The following BBS9 variants were observed in gnomAD, a reference collection of about 807,000 sequenced individuals.
The protein encoded by BBS9 is protein PTHB1.
In BBS9, 89 loss-of-function variants were observed where a neutral mutation model predicts 117.7. That is an observed-to-expected ratio of 0.76 (90% CI 0.64 to 0.90). BBS9 has a LOEUF of 0.90. Ranked by LOEUF, BBS9 falls within the 40% of genes least tolerant of loss-of-function variation. BBS9 has a pLI of 0.00. For synonymous variants in BBS9, 379 were observed against 370.9 expected (o/e 1.02, Z -0.25); for missense variants, 982 against 1,042.2 (o/e 0.94, Z 0.80).
intron 3 of BBS9, among the ~76,000 whole-genome samples, chr7:33,154,797 A>G (rs981285011): frequency 3.3e-5 from 5 of 152,148 alleles, no homozygotes; most frequent in African/African-American, 7.2e-5. Flanking sequence ...TTTAAATTTA[A>G]AAGAGCTGTC....
At chr7:33,139,101 A>G (rs1397056897) in intron 1 of BBS9, among the ~76,000 whole-genome samples, 1 of 151,042 alleles carries the variant, frequency 6.6e-6, no homozygotes, top group African/African-American at 2.4e-5. Flanking sequence ...AAAAATACAA[A>G]ATTAGCTGGG....
intron 19 of BBS9, among the ~76,000 whole-genome samples, chr7:33,404,391 G>T (rs1412898640): frequency 6.6e-6 from 1 of 152,084 alleles, no homozygotes; most frequent in Non-Finnish European, 1.5e-5. Context: ...AAAGTCATTG[G>T]TAGCTTGATG....
chr7:33,518,245 CTTTTTTTTTTTTT>C (rs747829401), intron 20 of BBS9, among the ~76,000 whole-genome samples: 5 of 93,930 alleles, frequency 5.3e-5, no homozygotes, highest in South Asian at 7.2e-4. Context: ...TGTATATATT[CTTTTTTTTTTTTT>C]TTTTTTTTTT....
At chr7:33,139,291 A>G (rs1228240648) in intron 1 of BBS9, among the ~76,000 whole-genome samples, 1 of 151,230 alleles carries the variant, frequency 6.6e-6, no homozygotes, top group Non-Finnish European at 1.5e-5. Context: ...CAAAAAAACA[A>G]GTTAATGAGA....
rs1562950954 is a variant in BBS9 at position 33,294,338 on chromosome 7, TATCTATCTATC to T, written c.1016+20383_1016+20393del. Among the ~76,000 whole-genome samples the T allele has an allele frequency of 1.3e-4, 18 of 141,810 alleles. 1 individual carries two copies. In the South Asian group the frequency reaches 4.0e-3, roughly 31 times the overall value. 93.0% of individuals were successfully genotyped at this position (141,810 alleles called of 152,430 possible). A position where few individuals can be genotyped will look rare whatever the true frequency, so the allele number is the denominator to read the frequency against. On this transcript the variant is annotated intron_variant, in intron 9 of 22. Coordinates refer to ENST00000242067, the MANE Select transcript of BBS9 (RefSeq NM_198428.3). ...CTATCTATCTATCTATCTATCTATC[TATCTATCTATC>T]TATCTCTTTGTCCATCCATCCATCC... is the stretch of plus-strand genomic sequence containing the variant.
intron 19 of BBS9, among the ~76,000 whole-genome samples, chr7:33,497,649 A>C (rs145996115): frequency 6.6e-6 from 1 of 152,316 alleles, no homozygotes; most frequent in Non-Finnish European, 1.5e-5. Flanking sequence ...CATACCAGGC[A>C]AAGTTGTATG....
Position 33,505,561 on chromosome 7 carries a change from C to A in BBS9, c.2214C>A (p.Ile738=), listed in dbSNP as rs148536971. The A allele has an allele frequency of 1.9e-6, 3 of 1,614,100 alleles. No homozygotes were observed. The highest frequency in any genetic ancestry group is 2.5e-6 in the Non-Finnish European group (3 of 1,179,986). The change falls in exon 20 of 23, where the codon ATC becomes ATA. Residue 738 remains isoleucine (I), a synonymous_variant. Transcript: ENST00000242067. Reference sequence around the variant, plus strand: ...CCACCCATTTGGTGATTCTGCTGATCGCGCTGTGGCAGAAGCTTAGTGCTG... The same window carrying A: ...CCACCCATTTGGTGATTCTGCTGATAGCGCTGTGGCAGAAGCTTAGTGCTG... The part of the protein sequence containing the change: ...KSATHLVILL[I]ALWQKLSADQ...
At chr7:33,152,639 T>G in intron 2 of BBS9, 62 bp from the exon 3 acceptor site, 1 of 1,470,596 alleles carries the variant, frequency 6.8e-7, no homozygotes, top group African/African-American at 1.4e-5. Flanking sequence ...AAAGCTTATT[T>G]CCTAAGAGAT....
intron 9 of BBS9, among the ~76,000 whole-genome samples, chr7:33,304,544 C>A (rs916384708): frequency 6.6e-6 from 1 of 151,676 alleles, no homozygotes; most frequent in African/African-American, 2.4e-5. Flanking sequence ...CTCGGCTGCC[C>A]TGTCTGGGAA....
chr7:33,450,415 G>A (rs1359846071), intron 19 of BBS9, among the ~76,000 whole-genome samples: 2 of 152,166 alleles, frequency 1.3e-5, no homozygotes, highest in Non-Finnish European at 2.9e-5. Flanking sequence ...AGATCATGTT[G>A]TAGTTCTATT....
chr7:33,607,134 A>G (rs916445145), downstream of BBS9, among the ~76,000 whole-genome samples: 2 of 152,150 alleles, frequency 1.3e-5, no homozygotes, highest in Non-Finnish European at 2.9e-5. Context: ...CTCCTTGGAC[A>G]TAACTGTTCT....
intron 21 of BBS9, among the ~76,000 whole-genome samples, chr7:33,601,091 C>G (rs1214947595): frequency 1.3e-5 from 2 of 152,158 alleles, no homozygotes; most frequent in Non-Finnish European, 2.9e-5. Flanking sequence ...TACATTTACC[C>G]TTGCGAAGTG....
intron 5 of BBS9, among the ~76,000 whole-genome samples, chr7:33,180,913 C>T (rs1305952075): frequency 6.6e-6 from 1 of 152,164 alleles, no homozygotes; most frequent in Non-Finnish European, 1.5e-5. Context: ...CCAGGTAACT[C>T]TGTGCACAGA....
chr7:33,253,177 G>C (rs967667355), intron 5 of BBS9, among the ~76,000 whole-genome samples: 2 of 152,002 alleles, frequency 1.3e-5, no homozygotes, highest in Non-Finnish European at 2.9e-5. Flanking sequence ...GTTATTTTTG[G>C]TACCAGGGTT....
chr7:33,537,967 A>G lies in BBS9; in HGVS notation c.2521+3791A>G, dbSNP rs182660471. Among the ~76,000 whole-genome samples, 33 of 152,338 alleles carry G rather than the reference A, an allele frequency of 2.2e-4. No homozygotes were observed. In the East Asian group the frequency reaches 6.0e-3, roughly 28 times the overall value. On this transcript the variant is annotated intron_variant, in intron 21 of 22. Coordinates refer to ENST00000242067, the MANE Select transcript of BBS9 (RefSeq NM_198428.3). ...ATTTCAACTAGGTGATGCTTTGCCT[A>G]AGAAATAATATAGATAAGTGACGGC...
intron 12 of BBS9, among the ~76,000 whole-genome samples, chr7:33,347,404 C>A (rs569232967): frequency 6.6e-6 from 1 of 151,860 alleles, no homozygotes; most frequent in Non-Finnish European, 1.5e-5. Flanking sequence ...TGTCTTCCTG[C>A]CATAATAACC....
intron 7 of BBS9, among the ~76,000 whole-genome samples, chr7:33,265,411 T>C (rs1168209036): frequency 2.0e-5 from 3 of 152,114 alleles, no homozygotes; most frequent in Admixed American, 6.5e-5. Context: ...AGAAGCACCA[T>C]AGTAATAATA....
At position 33,280,238 on chromosome 7, in the gene BBS9, G is replaced by A. The variant is rs565319541; in HGVS notation, c.1016+6282G>A. 5.3e-5 allele frequency among the ~76,000 whole-genome samples: 8 copies of A among 152,186 alleles called. No individual in the cohort carries two copies. The East Asian group carries it at 1.5e-3, about 29-fold the overall frequency. On this transcript the variant is annotated intron_variant, in intron 9 of 22. Transcript: ENST00000242067. ...TGCAAGTTTGTTACATGGGTATATTGTGTGATGCTGAGGTTTGGGGTACAG... is the reference window on the plus strand; with the variant it reads ...TGCAAGTTTGTTACATGGGTATATTATGTGATGCTGAGGTTTGGGGTACAG...
chr7:33,411,525 T>C (rs1308341416), intron 19 of BBS9, among the ~76,000 whole-genome samples: 2 of 152,318 alleles, frequency 1.3e-5, no homozygotes, highest in East Asian at 3.9e-4. Context: ...AACTTAGATT[T>C]TGATCAGATT....
Sources: gnomAD v4.1 joint callset for allele counts (sites outside exome capture counted in the v4.1 genomes callset) on GRCh38, gnomAD v4.1.1 for gene constraint, MANE v1.5 for transcripts, NCBI Gene and HGNC (gene_info 2026-07-23, HGNC 2026-07-21) for gene names.